NOP9: variants seen among roughly 807,000 people sequenced by gnomAD.
The protein encoded by NOP9 is nucleolar protein 9.
In NOP9, 50 loss-of-function variants were observed where a neutral mutation model predicts 63.0. The ratio of observed to expected loss-of-function variants is 0.79; its 90% CI spans 0.63 to 1.00. The LOEUF (loss-of-function observed/expected upper bound fraction) is 1.00. NOP9 is among the 50% of genes least tolerant of loss of function. The pLI, the probability that NOP9 is intolerant of heterozygous loss-of-function variation, is 0.00. For missense variants in NOP9, 758 were observed against 803.0 expected (o/e 0.94, Z 0.68); for synonymous variants, 343 against 332.8 (o/e 1.03, Z -0.33).
the NOP9 span, among the ~76,000 whole-genome samples, chr14:24,290,298 G>A: frequency 1.3e-5 from 2 of 152,242 alleles, no homozygotes; most frequent in Non-Finnish European, 2.9e-5. Context: ...TTGCTGGACT[G>A]GGCCTCAGCC....
At chr14:24,299,834 G>C, upstream of NOP9, 8 of 1,265,344 alleles carry the variant, frequency 6.3e-6, no homozygotes, top group South Asian at 9.7e-5. Context: ...TGACGTAGTA[G>C]CTGCGTCAGG....
rs565446861 is a variant in NOP9, at chr14:24,307,669, C to T, written c.*2574C>T. 6 of 818,486 alleles carry T rather than the reference C, an allele frequency of 7.3e-6. No homozygotes were observed. The highest frequency in any genetic ancestry group is 3.1e-5 in the South Asian group (2 of 65,214). 50.7% of individuals were successfully genotyped at this position (818,486 alleles called of 1,614,324 possible). A position where few individuals can be genotyped will look rare whatever the true frequency, so the allele number is the denominator to read the frequency against. On this transcript the variant is annotated 3_prime_UTR_variant, in exon 10 of 10. Coordinates refer to ENST00000267425, the MANE Select transcript of NOP9 (RefSeq NM_174913.3). ...AGAGACCATGGAGTGCAGGTGGGGG[C>T]GGGTGGCTCAGGAGCTTGACAAGCC...
Position 24,307,577 on chromosome 14 carries a change from T to C in NOP9, c.*2482T>C. The C allele has an allele frequency of 6.4e-7, 1 of 1,568,640 alleles. No homozygotes were observed. Among genetic ancestry groups the C allele is most frequent in the Non-Finnish European group, 8.7e-7 (1 of 1,148,976 alleles). ...AGGGGCTTGGTGAGTGTAAAGGGCATGATGAGGGTAGAGTGGCTAGAGGGC... is the reference window on the plus strand; with the variant it reads ...AGGGGCTTGGTGAGTGTAAAGGGCACGATGAGGGTAGAGTGGCTAGAGGGC... On this transcript the variant is annotated 3_prime_UTR_variant, in exon 10 of 10. Coordinates refer to ENST00000267425, the MANE Select transcript of NOP9 (RefSeq NM_174913.3).
chr14:24,302,022 AC>A lies in NOP9; in HGVS notation c.868del (p.Arg290AlafsTer14), dbSNP rs1181866949. The A allele has an allele frequency of 1.2e-6, 2 of 1,613,942 alleles. No individual in the cohort carries two copies. Among genetic ancestry groups the A allele is most frequent in the African/African-American group, 2.7e-5 (2 of 74,894 alleles). ...FCLQVALQVL[H>X]RKLPQFCAHL... is the part of the protein sequence containing the mutation. ...CTTCAAGTGGCTTTACAGGTTTTAC[AC>A]CGCAAACTTCCCCAGTTTTGCGCTC... On this transcript the variant is annotated frameshift_variant, in exon 4 of 10. Transcript: ENST00000267425. LOFTEE classifies it high-confidence loss of function.
At chr14:24,280,013 G>C in the NOP9 span, among the ~76,000 whole-genome samples, 18 of 152,254 alleles carry the variant, frequency 1.2e-4, no homozygotes, top group South Asian at 3.3e-3. Flanking sequence ...GCTCCTTTTG[G>C]GGGAGCACTC....
rs1170116122 is a variant in NOP9 at position 24,300,707 on chromosome 14, G to C, written c.547G>C (p.Val183Leu). Residue 183 changes from valine (V) to leucine (L), a missense_variant, in exon 2 of 10, where the codon GTC becomes CTC. Physicochemically the swap from Val to Leu is conservative, Grantham distance 32 (BLOSUM62 1). Transcript: ENST00000267425. ...DGPTETLEEL[V>L]LGLAAEVCDD... ...TCCCACGGAGACCCTGGAGGAGCTG[G>C]TCCTGGGACTAGCCGCTGAGGTGTG... 4 of 1,614,126 alleles carry C rather than the reference G, an allele frequency of 2.5e-6. No individual in the cohort carries two copies. Among genetic ancestry groups the C allele is most frequent in the Non-Finnish European group, 2.5e-6 (3 of 1,180,026 alleles).
the NOP9 span, among the ~76,000 whole-genome samples, chr14:24,272,810 C>T: frequency 7.2e-4 from 110 of 152,282 alleles, no homozygotes; most frequent in African/African-American, 2.4e-3. Context: ...TAGCCTGTTC[C>T]CTCTTGACTC....
chr14:24,303,804 G>A lies in NOP9; in HGVS notation c.1357G>A (p.Glu453Lys), dbSNP rs2041422386. The A allele has an allele frequency of 6.2e-7, 1 of 1,614,210 alleles. No individual in the cohort carries two copies. Residue 453 changes from glutamate (E) to lysine (K), a missense_variant, in exon 7 of 10, where the codon GAG (glutamate) becomes AAG (lysine). Transcript: ENST00000267425. ...VPLFATLMAY[E>K]VYYGLTEEEG... ...TCTCTTTGCCACTTTGATGGCTTAT[G>A]AGGTGTACTATGGACTGACGGAGGA... is the stretch of plus-strand genomic sequence containing the variant.
chr14:24,284,313 C>T, the NOP9 span, among the ~76,000 whole-genome samples: 7 of 152,178 alleles, frequency 4.6e-5, no homozygotes, highest in Non-Finnish European at 1.0e-4. Flanking sequence ...GAGAGCTGGA[C>T]CTTTGTCTCA....
At chr14:24,293,048 C>T in the NOP9 span, 4 of 439,048 alleles carry the variant, frequency 9.1e-6, no homozygotes, top group Non-Finnish European at 1.6e-5. Context: ...CAATTACAAA[C>T]AAAATTGTTC....
chr14:24,279,695 C>G, the NOP9 span, among the ~76,000 whole-genome samples: 2 of 152,336 alleles, frequency 1.3e-5, no homozygotes, highest in African/African-American at 4.8e-5. Flanking sequence ...TGCATGGTGA[C>G]TGGTGATGAT....
chr14:24,307,805 G>C lies in NOP9; in HGVS notation c.*2710G>C. 6.3e-7 allele frequency: 1 copy of C among 1,591,094 alleles called. No individual in the cohort carries two copies. Among genetic ancestry groups the C allele is most frequent in the Non-Finnish European group, 8.6e-7 (1 of 1,168,018 alleles). ...CCTAAAGGTGGAGGGTAGAGCGGAG[G>C]GTTAGCAGTCACCTGAGTAAGTCAC... On this transcript the variant is annotated 3_prime_UTR_variant, in exon 10 of 10. Coordinates refer to ENST00000267425, the MANE Select transcript of NOP9 (RefSeq NM_174913.3).
chr14:24,306,000 C>T lies in NOP9; in HGVS notation c.*905C>T, dbSNP rs747480989. On this transcript the variant is annotated 3_prime_UTR_variant, in exon 10 of 10. Coordinates refer to ENST00000267425, the MANE Select transcript of NOP9 (RefSeq NM_174913.3). ...GAAAGTCACAACTCATAGAGTAGAG[C>T]CCGTAGAATGTGGCTTTGACATTCA... is the stretch of plus-strand genomic sequence containing the variant. 1.9e-6 allele frequency: 3 copies of T among 1,614,118 alleles called. 1 individual carries two copies. The South Asian group carries it at 3.3e-5, about 18-fold the overall frequency.
chr14:24,291,734 G>T, the NOP9 span: 2 of 1,180,418 alleles, frequency 1.7e-6, no homozygotes, highest in South Asian at 1.2e-5. Context: ...GACCAAAGAG[G>T]CCAAAGACCT....
At chr14:24,302,854 C>T (rs1442874910) in intron 5 of NOP9, among the ~76,000 whole-genome samples, 2 of 152,248 alleles carry the variant, frequency 1.3e-5, no homozygotes, top group African/African-American at 4.8e-5. Context: ...TGCTCCCTTA[C>T]ACATAGGGAA....
Position 24,302,309 on chromosome 14 carries a change from G to A in NOP9, c.1028G>A (p.Arg343Lys). The A allele has an allele frequency of 4.3e-6, 7 of 1,614,180 alleles. No homozygotes were observed. The highest frequency in any genetic ancestry group is 5.9e-6 in the Non-Finnish European group (7 of 1,180,022). Reference sequence around the variant, plus strand: ...GTCCTGCTGGTGTTGGAGCCCCCAAGACTCCAGAGCCTCTTTGAGGAGCAC... The same window carrying A: ...GTCCTGCTGGTGTTGGAGCCCCCAAAACTCCAGAGCCTCTTTGAGGAGCAC... ...EQVLLVLEPP[R>K]LQSLFEEHLQ... Residue 343 changes from arginine (R) to lysine (K), a missense_variant, in exon 5 of 10, where the codon AGA (arginine) becomes AAA (lysine). Transcript: ENST00000267425.
At chr14:24,272,859 GTTTATC>G in the NOP9 span, among the ~76,000 whole-genome samples, 5 of 152,040 alleles carry the variant, frequency 3.3e-5, no homozygotes, top group East Asian at 1.9e-4. Flanking sequence ...AGTAATTCCT[GTTTATC>G]TTTAAGATTT....
In NOP9 at chr14:24,305,110, G is replaced by T; in HGVS notation, c.*15G>T. 1 of 1,466,608 alleles carries T rather than the reference G, an allele frequency of 6.8e-7. No homozygotes were observed. Among genetic ancestry groups the T allele is most frequent in the South Asian group, 1.4e-5 (1 of 73,104 alleles). 90.8% of individuals were successfully genotyped at this position (1,466,608 alleles called of 1,614,324 possible). A position where few individuals can be genotyped will look rare whatever the true frequency, so the allele number is the denominator to read the frequency against. Reference sequence around the variant, plus strand: ...TTGAAGACTGAGGCTTTGGATCTGGGACTGGGTGTTGATGGGGGAGGGCAA... The same window carrying T: ...TTGAAGACTGAGGCTTTGGATCTGGTACTGGGTGTTGATGGGGGAGGGCAA... On this transcript the variant is annotated 3_prime_UTR_variant, in exon 10 of 10. Transcript: ENST00000267425.
At chr14:24,296,515 C>T, upstream of NOP9, 1 of 1,614,128 alleles carries the variant, frequency 6.2e-7, no homozygotes, top group Non-Finnish European at 8.5e-7. Context: ...CCACCTGAGT[C>T]CGACGTTGTT....
Sources: allele counts gnomAD v4.1 joint callset (sites outside exome capture counted in the v4.1 genomes callset), GRCh38; gene constraint gnomAD v4.1.1; transcripts MANE v1.5; gene names NCBI Gene and HGNC (gene_info 2026-07-23, HGNC 2026-07-21).